The following REV1 variants were observed in gnomAD, a reference collection of about 807,000 sequenced individuals.
REV1 encodes REV1 DNA directed polymerase.
In REV1, 42 loss-of-function variants were observed where a neutral mutation model predicts 137.4. The observed-to-expected ratio is 0.31, with a 90% CI of 0.24 to 0.40. The LOEUF is 0.40. Among genes scored for constraint, REV1 ranks in the 10% least tolerant of loss-of-function variants. REV1 has a pLI of 1.00. For synonymous variants in REV1, 524 were observed against 519.2 expected (o/e 1.01, Z -0.12); for missense variants, 1,282 against 1,490.1 (o/e 0.86, Z 2.30).
At position 99,410,762 on chromosome 2, in the gene REV1, G is replaced by A. The variant is rs765707248; in HGVS notation, c.2278C>T (p.Arg760Ter). 2 of 1,611,256 alleles carry A rather than the reference G, an allele frequency of 1.2e-6. No individual in the cohort carries two copies. The highest frequency in any genetic ancestry group is 1.1e-5 in the South Asian group (1 of 90,340). ...GTTTCTACAGGAGCCCCAGGCTTTC[G>A]TACCATGATTTTGAGAGTTAGACGT... is the stretch of plus-strand genomic sequence containing the variant. The part of the protein sequence containing the change: ...GKRLTLKIMV[R>*]KPGAPVETAK... The change falls in exon 14 of 23, where the codon CGA (arginine) becomes TGA (stop). Residue 760 changes from arginine to a stop codon, truncating the protein, a stop_gained. Coordinates refer to ENST00000258428, the MANE Select transcript of REV1 (RefSeq NM_016316.4). LOFTEE classifies it high-confidence loss of function.
At chr2:99,438,191 T>A (rs1412448853) in intron 6 of REV1, among the ~76,000 whole-genome samples, 2 of 96,894 alleles carry the variant, frequency 2.1e-5, no homozygotes, top group African/African-American at 8.8e-5. Flanking sequence ...AACAGCTCTA[T>A]GTCAAAATTA....
chr2:99,417,151 G>C (rs1559308044), intron 12 of REV1, among the ~76,000 whole-genome samples: 1 of 151,786 alleles, frequency 6.6e-6, no homozygotes, highest in East Asian at 1.9e-4. Flanking sequence ...TTTTTGTTTT[G>C]TTTTTTTCAA....
Position 99,464,942 on chromosome 2 carries a change from TTTC to T in REV1, c.31_33del (p.Glu11del), listed in dbSNP as rs755188248. Reference sequence around the variant, plus strand: ...CACACCCATGTTTCCCAGCCATCATTTTCAGCTCGCTTCCTCCATCCACCTCGC... The same window carrying T: ...CACACCCATGTTTCCCAGCCATCATTAGCTCGCTTCCTCCATCCACCTCGC... On this transcript the variant is annotated inframe_deletion, in exon 2 of 23. Transcript: ENST00000258428. The T allele has an allele frequency of 1.2e-6, 2 of 1,613,600 alleles. No homozygotes were observed. Among genetic ancestry groups the T allele is most frequent in the African/African-American group, 2.7e-5 (2 of 75,034 alleles).
chr2:99,455,702 TC>T (rs1683461135), intron 3 of REV1, among the ~76,000 whole-genome samples: 1 of 152,162 alleles, frequency 6.6e-6, no homozygotes. Flanking sequence ...GGCATTTATT[TC>T]CAAAAAATTA....
At chr2:99,467,736 T>C (rs1452578989) in intron 1 of REV1, among the ~76,000 whole-genome samples, 2 of 152,206 alleles carry the variant, frequency 1.3e-5, no homozygotes, top group East Asian at 3.9e-4. Flanking sequence ...ATTATTTCAA[T>C]CTCTGAAAAC....
In REV1 at chr2:99,439,227, T is replaced by C. The variant is rs1277977547; in HGVS notation, c.587A>G (p.Asn196Ser). ...MNSWNEEDENNDFSFVDLEQT... is the reference protein window; with the variant it reads ...MNSWNEEDENSDFSFVDLEQT... ...CTCCAGATCCACAAAACTAAAATCATTATTTTCATCTTCTTCATTCCAACT... is the reference window on the plus strand; with the variant it reads ...CTCCAGATCCACAAAACTAAAATCACTATTTTCATCTTCTTCATTCCAACT... Residue 196 changes from asparagine to serine, a missense_variant, in exon 6 of 23, where the codon AAT (asparagine) becomes AGT (serine). This residue lies in a region of REV1 where 432 missense variants were observed against 438.0 expected (regional missense o/e 0.99). Transcript: ENST00000258428. 5.6e-6 allele frequency: 9 copies of C among 1,614,198 alleles called. No individual in the cohort carries two copies. The highest frequency in any genetic ancestry group is 7.6e-6 in the Non-Finnish European group (9 of 1,180,008).
chr2:99,427,259 T>C (rs990551821), intron 9 of REV1, among the ~76,000 whole-genome samples: 31 of 152,114 alleles, frequency 2.0e-4, no homozygotes, highest in African/African-American at 7.0e-4. Flanking sequence ...GTAAGAAAGG[T>C]AGTGGGTCCT....
chr2:99,484,122 G>C (rs910488618), intron 1 of REV1, among the ~76,000 whole-genome samples: 1 of 152,078 alleles, frequency 6.6e-6, no homozygotes, highest in Admixed American at 6.5e-5. Flanking sequence ...ACTAACACAC[G>C]AACAGAACAC....
intron 13 of REV1, among the ~76,000 whole-genome samples, chr2:99,411,890 T>G (rs978726040): frequency 1.3e-5 from 2 of 151,990 alleles, no homozygotes; most frequent in Non-Finnish European, 2.9e-5. Flanking sequence ...GGTAATTAAC[T>G]CATCACATTT....
chr2:99,424,504 T>C, intron 9 of REV1: 1 of 524,584 alleles, frequency 1.9e-6, no homozygotes, highest in South Asian at 2.2e-5. Flanking sequence ...GCCAACTATG[T>C]CATTAAAATA....
Position 99,410,766 on chromosome 2 carries a change from C to T in REV1, c.2274G>A (p.Met758Ile), listed in dbSNP as rs755671617. ...CTACAGGAGCCCCAGGCTTTCGTAC[C>T]ATGATTTTGAGAGTTAGACGTTTAC... The part of the protein sequence containing the change: ...MKGKRLTLKI[M>I]VRKPGAPVET... Residue 758 changes from methionine (M) to isoleucine (I), a missense_variant, in exon 14 of 23, where the codon ATG becomes ATA. Around this residue, in one of 7 missense-constraint regions of REV1, gnomAD observed 372 missense variants for 482.3 expected, o/e 0.77. Transcript: ENST00000258428. The T allele has an allele frequency of 6.2e-7, 1 of 1,611,872 alleles. No homozygotes were observed. The highest frequency in any genetic ancestry group is 1.1e-5 in the South Asian group (1 of 90,426).
At position 99,402,941 on chromosome 2, in the gene REV1, T is replaced by C; in HGVS notation, c.3332A>G (p.Lys1111Arg). Residue 1111 changes from lysine to arginine, a missense_variant, in exon 20 of 23, where the codon AAG (lysine) becomes AGG (arginine). Lys to Arg is a conservative substitution (Grantham distance 26). This residue lies in a region of REV1 where 170 missense variants were observed against 156.8 expected (regional missense o/e 1.08). Coordinates refer to ENST00000258428, the MANE Select transcript of REV1 (RefSeq NM_016316.4). Reference protein sequence around the residue: ...TLPGACGSPQKLIDGFLKHEG... With the variant: ...TLPGACGSPQRLIDGFLKHEG... Reference sequence around the variant, plus strand: ...ATGTTTTAGAAACCCATCAATTAACTTCTGGGGACTGCCACAGGCCCCTGG... The same window carrying C: ...ATGTTTTAGAAACCCATCAATTAACCTCTGGGGACTGCCACAGGCCCCTGG... The C allele has an allele frequency of 6.2e-7, 1 of 1,614,222 alleles. No homozygotes were observed. Among genetic ancestry groups the C allele is most frequent in the Non-Finnish European group, 8.5e-7 (1 of 1,180,044 alleles).
chr2:99,403,051 GTTTCT>G lies in REV1; in HGVS notation c.3217_3221del (p.Arg1073GlnfsTer18), dbSNP rs1675708401. The G allele has an allele frequency of 5.0e-6, 8 of 1,612,184 alleles. No homozygotes were observed. Among genetic ancestry groups the G allele is most frequent in the East Asian group, 2.2e-5 (1 of 44,856 alleles). ...GTGAACCAATGGTTTTTTTCTTCTT[GTTTCT>G]TTTCTTTTCTTTCACTGCTGCCTTT... is the stretch of plus-strand genomic sequence containing the variant. On this transcript the variant is annotated frameshift_variant, in exon 20 of 23. Transcript: ENST00000258428. LOFTEE classifies it high-confidence loss of function.
Position 99,428,968 on chromosome 2 carries a change from G to A in REV1, c.1547+872C>T, listed in dbSNP as rs571732417. On this transcript the variant is annotated intron_variant, in intron 9 of 22. Transcript: ENST00000258428. ...GATGGTGCCACTGCACTCCAGCCTGGGTGACAGAGCGAGACTCCGTCTCAA... is the reference window on the plus strand; with the variant it reads ...GATGGTGCCACTGCACTCCAGCCTGAGTGACAGAGCGAGACTCCGTCTCAA... Among the ~76,000 whole-genome samples, 202 of 150,504 alleles carry A rather than the reference G, an allele frequency of 1.3e-3. 1 individual carries two copies. The highest frequency in any genetic ancestry group is 4.5e-3 in the African/African-American group (183 of 40,966).
At chr2:99,457,400 G>A (rs1415291064) in intron 3 of REV1, among the ~76,000 whole-genome samples, 1 of 152,176 alleles carries the variant, frequency 6.6e-6, no homozygotes, top group African/African-American at 2.4e-5. Context: ...CATTTATATA[G>A]GTCAGGTGCA....
chr2:99,441,085 C>A (rs1234464593), intron 5 of REV1, among the ~76,000 whole-genome samples: 1 of 151,980 alleles, frequency 6.6e-6, no homozygotes, highest in African/African-American at 2.4e-5. Context: ...CTATTTTCTA[C>A]TTTTATTAAT....
intron 14 of REV1, among the ~76,000 whole-genome samples, chr2:99,409,863 C>G (rs941007929): frequency 9.8e-5 from 13 of 133,222 alleles, no homozygotes; most frequent in African/African-American, 2.6e-4. Context: ...ACCCCCCCCC[C>G]CCCCAAAAAA....
chr2:99,490,127 G>C (rs1687568527), upstream of REV1: 1 of 97,226 alleles, frequency 1.0e-5, no homozygotes, highest in African/African-American at 4.3e-5. Flanking sequence ...CACGCGCTCT[G>C]CTCCCCCCGG....
rs202121589 is a variant in REV1 at position 99,421,588 on chromosome 2, G to C, written c.1742C>G (p.Ala581Gly). The C allele has an allele frequency of 2.0e-5, 33 of 1,614,004 alleles. No individual in the cohort carries two copies. Among genetic ancestry groups the C allele is most frequent in the South Asian group, 6.6e-5 (6 of 91,082 alleles). ...EALVDITEILAETKLTPDEFA... is the reference protein window; with the variant it reads ...EALVDITEILGETKLTPDEFA... Reference sequence around the variant, plus strand: ...TTCATCAGGAGTAAGTTTGGTCTCTGCAAGGATTTCGGTAATGTCTACCAG... The same window carrying C: ...TTCATCAGGAGTAAGTTTGGTCTCTCCAAGGATTTCGGTAATGTCTACCAG... The change falls in exon 11 of 23, where the codon GCA becomes GGA. Residue 581 changes from alanine to glycine, a missense_variant. Physicochemically the swap from Ala to Gly is moderately conservative, Grantham distance 60 (BLOSUM62 0). This residue lies in a region of REV1 where 372 missense variants were observed against 482.3 expected (regional missense o/e 0.77). Transcript: ENST00000258428.
Sources: gnomAD v4.1 joint callset for allele counts (sites outside exome capture counted in the v4.1 genomes callset) on GRCh38, gnomAD v4.1.1 for gene constraint, gnomAD v4.1.1 regional missense constraint, MANE v1.5 for transcripts, NCBI Gene and HGNC (gene_info 2026-07-23, HGNC 2026-07-21) for gene names.